Variants in COL6A5 observed in about 807,000 individuals in gnomAD.
COL6A5 encodes the protein collagen type VI alpha 5 chain, also known as collagen alpha-5(VI) chain.
A neutral mutation model predicts 65.6 loss-of-function variants in COL6A5; 48 were observed. That is an observed-to-expected ratio of 0.73 (90% CI 0.58 to 0.93). The LOEUF is 0.93. Among genes scored for constraint, COL6A5 ranks in the 40% least tolerant of loss-of-function variants. The pLI, the probability that COL6A5 is intolerant of heterozygous loss-of-function variation, is 0.00. For missense variants in COL6A5, 914 were observed against 928.3 expected (o/e 0.98, Z 0.20); for synonymous variants, 291 against 322.8 (o/e 0.90, Z 1.05).
intron 7 of COL6A5, among the ~76,000 whole-genome samples, chr3:130,392,197 C>T (rs138536360): frequency 6.6e-6 from 1 of 152,218 alleles, no homozygotes; most frequent in East Asian, 1.9e-4. Context: ...GATCCAGGGC[C>T]CTCTAAATGA....
chr3:130,410,198 A>AT, intron 19 of COL6A5, 124 bp downstream of exon 19: 1 of 736,882 alleles, frequency 1.4e-6, no homozygotes. Context: ...AAAGACCTTT[A>AT]TTTTTTGATG....
chr3:130,410,087 G>A lies in COL6A5; in HGVS notation c.4608+13G>A. On this transcript the variant is annotated intron_variant and NMD_transcript_variant, in intron 19 of 41. Transcript: ENST00000312481. ...ACAAGGAAGACAAGTAATTTGATCT[G>A]TTTTATCTATGAGTTGATTAATTCT... 1 of 1,528,654 alleles carries A rather than the reference G, an allele frequency of 6.5e-7. No individual in the cohort carries two copies. 94.7% of individuals were successfully genotyped at this position (1,528,654 alleles called of 1,614,324 possible). A position where few individuals can be genotyped will look rare whatever the true frequency, so the allele number is the denominator to read the frequency against.
intron 22 of COL6A5, among the ~76,000 whole-genome samples, chr3:130,414,516 G>A (rs1303995306): frequency 3.9e-5 from 6 of 152,224 alleles, no homozygotes; most frequent in East Asian, 1.9e-4. Context: ...ACTGCTACTC[G>A]ACTTGCTTAA....
chr3:130,414,017 A>G (rs377083953), intron 21 of COL6A5, 52 bp from the exon 22 acceptor site: 25 of 1,316,180 alleles, frequency 1.9e-5, no homozygotes, highest in East Asian at 2.5e-5. Flanking sequence ...AAGAAAATCT[A>G]TATGGAAACA....
At chr3:130,361,663 G>A (rs1490351876) in intron 1 of COL6A5, among the ~76,000 whole-genome samples, 1 of 152,078 alleles carries the variant, frequency 6.6e-6, no homozygotes, top group African/African-American at 2.4e-5. Context: ...GTCTTCCAAA[G>A]TGGCTGTGCC....
exon 8 of COL6A5, chr3:130,395,369 G>GA: frequency 6.5e-7 from 1 of 1,545,734 alleles, no homozygotes; most frequent in African/African-American, 1.4e-5. Flanking sequence ...AGGCAATTCT[G>GA]AAAAAATAAT....
chr3:130,397,794 C>G lies in COL6A5; in HGVS notation c.3780C>G (p.Phe1260Leu), dbSNP rs776219442. ...GTGACCAAGGATTCCCTGCCAAGTT[C>G]CAAATCTATCAGAAAGCAGTGTTTG... Residue 1260 changes from phenylalanine (F) to leucine (L), a missense_variant and NMD_transcript_variant, in exon 9 of 42, where the codon TTC (phenylalanine) becomes TTG (leucine). Coordinates refer to the COL6A5 transcript ENST00000312481. 10 of 1,551,652 alleles carry G rather than the reference C, an allele frequency of 6.4e-6. No individual in the cohort carries two copies. The South Asian group carries it at 1.2e-4, about 18-fold the overall frequency.
chr3:130,362,917 A>G (rs1935195523), intron 1 of COL6A5, among the ~76,000 whole-genome samples: 1 of 152,150 alleles, frequency 6.6e-6, no homozygotes, highest in Non-Finnish European at 1.5e-5. Flanking sequence ...ACATTTATCT[A>G]TATTTAAACA....
chr3:130,402,464 A>G (rs144402330), intron 12 of COL6A5, among the ~76,000 whole-genome samples: 63 of 152,388 alleles, frequency 4.1e-4, no homozygotes, highest in Non-Finnish European at 7.8e-4. Flanking sequence ...AACTACAGCT[A>G]CACACAACAA....
upstream of COL6A5, chr3:130,431,341 G>A (rs1274054843): frequency 9.2e-7 from 1 of 1,084,958 alleles, no homozygotes; most frequent in African/African-American, 1.6e-5. Context: ...GGTACCTTTA[G>A]TTCTAGAGCT....
chr3:130,412,371 G>A (rs538770715), intron 20 of COL6A5, among the ~76,000 whole-genome samples: 47 of 152,270 alleles, frequency 3.1e-4, no homozygotes, highest in Non-Finnish European at 5.9e-4. Flanking sequence ...AACTCAGTCT[G>A]TCTCCCTCCA....
chr3:130,412,167 A>T (rs1223547010), intron 20 of COL6A5, among the ~76,000 whole-genome samples: 1 of 152,194 alleles, frequency 6.6e-6, no homozygotes, highest in Non-Finnish European at 1.5e-5. Context: ...ATACACAAAG[A>T]ATACTTCTAT....
chr3:130,397,444 A>C (rs1559878495), intron 8 of COL6A5, 139 bp from the exon 9 acceptor site: 8 of 604,966 alleles, frequency 1.3e-5, no homozygotes, highest in Non-Finnish European at 2.0e-5. Context: ...TAAAGCAGCC[A>C]GTATCTTCCT....
intron 7 of COL6A5, 43 bp downstream of exon 7, chr3:130,391,797 AGTTT>A: frequency 7.1e-7 from 1 of 1,415,836 alleles, no homozygotes; most frequent in Admixed American, 2.4e-5. Flanking sequence ...TAGCAATAAA[AGTTT>A]AAACAAAAAG....
chr3:130,376,466 G>A (rs1446118868), exon 3 of COL6A5: 1 of 1,612,034 alleles, frequency 6.2e-7, no homozygotes, highest in South Asian at 1.1e-5. Context: ...ACCTCAAGAA[G>A]AACTTTCAGT....
chr3:130,474,398 G>A (rs1383111092), intron 7 of COL6A5, among the ~76,000 whole-genome samples: 1 of 151,900 alleles, frequency 6.6e-6, no homozygotes, highest in Non-Finnish European at 1.5e-5. Context: ...AAATGTTCAG[G>A]ATACAATCCA....
At chr3:130,415,873 C>T (rs561171409) in intron 23 of COL6A5, among the ~76,000 whole-genome samples, 166 bp downstream of exon 23, 9 of 152,260 alleles carry the variant, frequency 5.9e-5, no homozygotes, top group African/African-American at 1.9e-4. Context: ...TCATACGTAG[C>T]TAAAGCACTC....
At chr3:130,401,223 A>T in intron 11 of COL6A5, 50 bp downstream of exon 11, 1 of 1,471,926 alleles carries the variant, frequency 6.8e-7, no homozygotes, top group Non-Finnish European at 9.1e-7. Flanking sequence ...ATGGGAACTA[A>T]ATTGGAATCT....
intron 3 of COL6A5, among the ~76,000 whole-genome samples, chr3:130,441,432 T>C (rs1709178410): frequency 1.3e-5 from 2 of 152,146 alleles, no homozygotes; most frequent in Admixed American, 1.3e-4. Context: ...AGGCTACAAA[T>C]TGATGTATAA....
Sources: allele counts gnomAD v4.1 joint callset (sites outside exome capture counted in the v4.1 genomes callset), GRCh38; gene constraint gnomAD v4.1.1; transcripts MANE v1.5; gene names NCBI Gene and HGNC (gene_info 2026-07-23, HGNC 2026-07-21).